The following ITPR2 variants were observed in gnomAD, a reference collection of about 807,000 sequenced individuals.
ITPR2 encodes the protein inositol 1,4,5-trisphosphate receptor type 2, also known as inositol 1,4,5-trisphosphate-gated calcium channel ITPR2.
A neutral mutation model predicts 317.1 loss-of-function variants in ITPR2; 207 were observed. The ratio of observed to expected loss-of-function variants is 0.65; its 90% CI spans 0.58 to 0.73. The LOEUF (loss-of-function observed/expected upper bound fraction) is 0.73. ITPR2 is among the 30% of genes least tolerant of loss of function. The probability of loss-of-function intolerance (pLI) is 0.00; values close to 1 mark genes in which losing one functional copy is unlikely to be tolerated. For synonymous variants in ITPR2, 1,156 were observed against 1,149.1 expected (o/e 1.01, Z -0.12); for missense variants, 2,613 against 3,284.0 (o/e 0.80, Z 4.99).
intron 26 of ITPR2, among the ~76,000 whole-genome samples, chr12:26,605,126 A>AAAAAAAAATATATATATATATAT (rs1555165395): frequency 7.3e-6 from 1 of 136,310 alleles, no homozygotes; most frequent in Non-Finnish European, 1.6e-5. Flanking sequence ...AAAAAATAAA[A>AAAAAAAAATATATATATATATAT]ATATATATAT....
At chr12:26,713,305 T>C (rs1017696645) in intron 8 of ITPR2, among the ~76,000 whole-genome samples, 4 of 152,136 alleles carry the variant, frequency 2.6e-5, no homozygotes, top group East Asian at 1.9e-4. Context: ...CCATGCTGGG[T>C]AAGCACAGTC....
chr12:26,475,487 A>G (rs1041879025), intron 44 of ITPR2, 69 bp from the exon 45 acceptor site: 7 of 1,542,634 alleles, frequency 4.5e-6, no homozygotes, highest in Admixed American at 2.0e-5. Context: ...ATGAGATTTA[A>G]TTAAAAATTG....
At chr12:26,463,525 C>T (rs774609208) in intron 45 of ITPR2, among the ~76,000 whole-genome samples, 1 of 151,952 alleles carries the variant, frequency 6.6e-6, no homozygotes, top group Non-Finnish European at 1.5e-5. Flanking sequence ...ATTAGCCGGT[C>T]GTGGTGGCAT....
intron 32 of ITPR2, among the ~76,000 whole-genome samples, chr12:26,583,020 G>A (rs1945440751): frequency 6.6e-6 from 1 of 151,930 alleles, no homozygotes; most frequent in South Asian, 2.1e-4. Context: ...ATGTCTCCAG[G>A]CTTTCCCCAG....
chr12:26,790,027 G>C, intron 2 of ITPR2, 130 bp downstream of exon 2: 1 of 691,926 alleles, frequency 1.4e-6, no homozygotes, highest in African/African-American at 1.8e-5. Flanking sequence ...ATTGTTGAAA[G>C]AATTTTCAGT....
intron 50 of ITPR2, 62 bp downstream of exon 50, chr12:26,418,987 A>G (rs900497702): frequency 1.4e-6 from 2 of 1,404,380 alleles, no homozygotes; most frequent in Admixed American, 4.5e-5. Context: ...AGGAAGAGGC[A>G]TAAGAAGCAG....
At chr12:26,376,707 T>TTTCA (rs1939357341) in intron 55 of ITPR2, among the ~76,000 whole-genome samples, 1 of 147,638 alleles carries the variant, frequency 6.8e-6, no homozygotes, top group South Asian at 2.2e-4. Flanking sequence ...TTTTTTTTTC[T>TTTCA]TTCTTTCTTT....
In ITPR2 at chr12:26,519,976, G is replaced by A. The variant is rs1943620771; in HGVS notation, c.5074-24716C>T. Among the ~76,000 whole-genome samples, 3 of 152,256 alleles carry A rather than the reference G, an allele frequency of 2.0e-5. No individual in the cohort carries two copies. In the South Asian group the frequency reaches 6.2e-4, roughly 32 times the overall value. On this transcript the variant is annotated intron_variant, in intron 37 of 56. Coordinates refer to ENST00000381340, the MANE Select transcript of ITPR2 (RefSeq NM_002223.4). Reference sequence around the variant, plus strand: ...AAAGAAACTCTGAAAACATACATAAGAAACCAATAATAGTGATTACCTGGC... The same window carrying A: ...AAAGAAACTCTGAAAACATACATAAAAAACCAATAATAGTGATTACCTGGC...
At chr12:26,593,440 T>C (rs774416881) in intron 32 of ITPR2, among the ~76,000 whole-genome samples, 7 of 152,186 alleles carry the variant, frequency 4.6e-5, no homozygotes, top group Non-Finnish European at 8.8e-5. Context: ...CTCTGATCTT[T>C]CTTCATGGGG....
intron 32 of ITPR2, among the ~76,000 whole-genome samples, chr12:26,581,555 G>A (rs538917146): frequency 9.2e-5 from 14 of 152,188 alleles, no homozygotes; most frequent in East Asian, 1.9e-4. Context: ...TTCAACAAAC[G>A]TTTGTGAAAT....
At chr12:26,428,726 CA>C (rs1327029485) in intron 48 of ITPR2, among the ~76,000 whole-genome samples, 7 of 152,140 alleles carry the variant, frequency 4.6e-5, no homozygotes, top group Non-Finnish European at 8.8e-5. Flanking sequence ...CTCTGTTACA[CA>C]TAAGATTTCT....
chr12:26,694,838 T>G (rs1948308007), intron 10 of ITPR2, among the ~76,000 whole-genome samples: 1 of 152,218 alleles, frequency 6.6e-6, no homozygotes, highest in South Asian at 2.1e-4. Flanking sequence ...TTTGATATGT[T>G]AAAGGTTTCA....
chr12:26,518,785 G>A (rs1943594740), intron 37 of ITPR2, among the ~76,000 whole-genome samples: 6 of 151,826 alleles, frequency 4.0e-5, no homozygotes. Context: ...TTAACCAGCA[G>A]AAACCCTAGT....
At chr12:26,653,245 T>C (rs1047522717) in intron 21 of ITPR2, among the ~76,000 whole-genome samples, 4 of 143,788 alleles carry the variant, frequency 2.8e-5, no homozygotes, top group Non-Finnish European at 4.6e-5. Context: ...ATCTTTCTTT[T>C]TTTTTTTTTT....
intron 2 of ITPR2, 154 bp from the exon 3 acceptor site, chr12:26,725,919 C>G (rs889274020): frequency 1.9e-4 from 99 of 533,624 alleles, no homozygotes; most frequent in Non-Finnish European, 2.5e-4. Context: ...TCCATTCACT[C>G]TATAACATCC....
intron 37 of ITPR2, among the ~76,000 whole-genome samples, chr12:26,521,374 C>T (rs925502274): frequency 3.3e-5 from 5 of 152,186 alleles, no homozygotes; most frequent in African/African-American, 1.2e-4. Flanking sequence ...AGCTGTCAAT[C>T]ATATACTTGG....
chr12:26,651,976 C>A (rs1489724443), intron 21 of ITPR2, among the ~76,000 whole-genome samples: 1 of 152,212 alleles, frequency 6.6e-6, no homozygotes, highest in East Asian at 1.9e-4. Context: ...TCCCTAGAAG[C>A]ACTGCTTTTC....
intron 45 of ITPR2, among the ~76,000 whole-genome samples, chr12:26,445,345 G>A (rs1941583783): frequency 6.6e-6 from 1 of 152,150 alleles, no homozygotes; most frequent in South Asian, 2.1e-4. Context: ...CAGTGCTGGA[G>A]CTGTGCATGG....
At chr12:26,642,071 T>A (rs1947003099) in intron 21 of ITPR2, among the ~76,000 whole-genome samples, 1 of 151,982 alleles carries the variant, frequency 6.6e-6, no homozygotes, top group African/African-American at 2.4e-5. Context: ...AGAAAAATCT[T>A]TCTCAGCTCC....
Sources: allele counts gnomAD v4.1 joint callset (sites outside exome capture counted in the v4.1 genomes callset), GRCh38; gene constraint gnomAD v4.1.1; transcripts MANE v1.5; gene names NCBI Gene and HGNC (gene_info 2026-07-23, HGNC 2026-07-21).